Variants in SYNPR observed in about 807,000 individuals in gnomAD.
SYNPR encodes synaptoporin.
Under a neutral mutation model 32.9 loss-of-function variants are expected in SYNPR, and 23 were observed. That is an observed-to-expected ratio of 0.70 (90% CI 0.50 to 0.99). The LOEUF (loss-of-function observed/expected upper bound fraction) is 0.99. SYNPR is among the 50% of genes least tolerant of loss of function. The probability of loss-of-function intolerance (pLI) is 0.00; values close to 1 mark genes in which losing one functional copy is unlikely to be tolerated. For missense variants in SYNPR, 318 were observed against 349.3 expected (o/e 0.91, Z 0.71); for synonymous variants, 146 against 135.9 (o/e 1.07, Z -0.52).
intron 2 of SYNPR, among the ~76,000 whole-genome samples, chr3:63,442,164 A>T (rs917624504): frequency 1.5e-4 from 22 of 148,328 alleles, no homozygotes; most frequent in Non-Finnish European, 2.7e-4. Flanking sequence ...TGGTAGTGAT[A>T]GTGTGTGTGT....
At chr3:63,249,744 G>A (rs2086316400) in intron 1 of SYNPR, among the ~76,000 whole-genome samples, 1 of 151,974 alleles carries the variant, frequency 6.6e-6, no homozygotes, top group Admixed American at 6.6e-5. Context: ...CTTCCTGTAG[G>A]GAATCATAAA....
chr3:63,535,134 T>C (rs1702179057), intron 3 of SYNPR, among the ~76,000 whole-genome samples: 1 of 152,140 alleles, frequency 6.6e-6, no homozygotes, highest in African/African-American at 2.4e-5. Flanking sequence ...AATAATTGCA[T>C]GGAAAATAAA....
intron 4 of SYNPR, among the ~76,000 whole-genome samples, chr3:63,560,255 G>A (rs1338628324): frequency 1.3e-5 from 2 of 152,192 alleles, no homozygotes; most frequent in Non-Finnish European, 2.9e-5. Flanking sequence ...TTAAAGATGA[G>A]CCTGAATCAT....
intron 5 of SYNPR, among the ~76,000 whole-genome samples, chr3:63,611,923 T>C (rs892097316): frequency 6.6e-6 from 1 of 152,200 alleles, no homozygotes; most frequent in African/African-American, 2.4e-5. Flanking sequence ...GAACACACTT[T>C]ACTGGGCAAA....
intron 4 of SYNPR, among the ~76,000 whole-genome samples, chr3:63,562,650 G>A (rs977562274): frequency 1.3e-5 from 2 of 152,178 alleles, no homozygotes; most frequent in African/African-American, 4.8e-5. Flanking sequence ...GAGACGTAGT[G>A]CAATGAGAAT....
chr3:63,387,421 C>T (rs1056490381), intron 2 of SYNPR, among the ~76,000 whole-genome samples: 1 of 152,174 alleles, frequency 6.6e-6, no homozygotes, highest in Non-Finnish European at 1.5e-5. Context: ...TTAATGACCT[C>T]AAAATGCCAC....
At chr3:63,270,902 TTTCCTTCC>T (rs201745436) in intron 3 of SYNPR, among the ~76,000 whole-genome samples, 1 of 61,386 alleles carries the variant, frequency 1.6e-5, no homozygotes, top group South Asian at 4.1e-4. Flanking sequence ...CTTCCTTTTC[TTTCCTTCC>T]TTCCTTCCTT....
the SYNPR span, among the ~76,000 whole-genome samples, chr3:63,219,058 G>A: frequency 3.9e-5 from 6 of 152,096 alleles, no homozygotes; most frequent in South Asian, 2.1e-4. Flanking sequence ...TAAGATATTT[G>A]CCTAAAATTT....
chr3:63,231,308 C>T (rs192658496), intron 1 of SYNPR, among the ~76,000 whole-genome samples: 4 of 152,014 alleles, frequency 2.6e-5, no homozygotes, highest in African/African-American at 9.7e-5. Context: ...ATGATATAAT[C>T]GACTCTGGGG....
At chr3:63,396,285 C>T (rs1002895959) in intron 2 of SYNPR, among the ~76,000 whole-genome samples, 3 of 152,104 alleles carry the variant, frequency 2.0e-5, no homozygotes, top group Non-Finnish European at 4.4e-5. Context: ...CTTGGAAAAG[C>T]TATTAGCCTA....
intron 2 of SYNPR, among the ~76,000 whole-genome samples, chr3:63,342,684 A>G (rs2087385374): frequency 6.6e-6 from 1 of 152,188 alleles, no homozygotes; most frequent in Non-Finnish European, 1.5e-5. Flanking sequence ...GATTATGTAA[A>G]ATTGATGGTA....
chr3:63,466,195 C>T (rs1349347832), intron 2 of SYNPR, among the ~76,000 whole-genome samples: 3 of 151,988 alleles, frequency 2.0e-5, no homozygotes, highest in South Asian at 2.1e-4. Context: ...TTGCTAAGGA[C>T]GATAGCCTCC....
intron 3 of SYNPR, among the ~76,000 whole-genome samples, chr3:63,509,729 A>G (rs1354054161): frequency 6.6e-6 from 1 of 152,154 alleles, no homozygotes; most frequent in Admixed American, 6.6e-5. Flanking sequence ...ATTATTTTTG[A>G]CAGACAATAA....
At chr3:63,437,389 A>G (rs561369335) in intron 2 of SYNPR, among the ~76,000 whole-genome samples, 1 of 152,278 alleles carries the variant, frequency 6.6e-6, no homozygotes, top group South Asian at 2.1e-4. Context: ...CCACACAAGT[A>G]GTAATATACA....
chr3:63,613,443 G>A (rs980635034), intron 5 of SYNPR, among the ~76,000 whole-genome samples: 8 of 151,736 alleles, frequency 5.3e-5, no homozygotes, highest in African/African-American at 1.9e-4. Context: ...TTCTCAATTA[G>A]TGTAAAAAGT....
At chr3:63,363,756 A>C (rs963578358) in intron 2 of SYNPR, among the ~76,000 whole-genome samples, 2 of 152,176 alleles carry the variant, frequency 1.3e-5, no homozygotes, top group Non-Finnish European at 2.9e-5. Context: ...CACTAGTGCC[A>C]GGTACTGTCT....
intron 2 of SYNPR, chr3:63,443,607 TTTC>T: frequency 1.0e-6 from 1 of 989,346 alleles, no homozygotes; most frequent in Non-Finnish European, 1.5e-6. Context: ...AATCTCTATT[TTTC>T]TTGACTTTGC....
intron 2 of SYNPR, among the ~76,000 whole-genome samples, chr3:63,408,409 GA>G (rs1269271286): frequency 5.3e-5 from 8 of 152,108 alleles, no homozygotes; most frequent in African/African-American, 1.9e-4. Flanking sequence ...TTATGGGGAT[GA>G]GCTCATGTGA....
the SYNPR span, among the ~76,000 whole-genome samples, chr3:63,210,885 T>C: frequency 1.9e-3 from 287 of 151,892 alleles, 1 homozygote; most frequent in African/African-American, 6.2e-3. Flanking sequence ...TGTATACTAA[T>C]TGTAGTTGAA....
Sources: gnomAD v4.1 joint callset for allele counts (sites outside exome capture counted in the v4.1 genomes callset) on GRCh38, gnomAD v4.1.1 for gene constraint, MANE v1.5 for transcripts, NCBI Gene and HGNC (gene_info 2026-07-23, HGNC 2026-07-21) for gene names.